ADAMTS17: variants seen among roughly 807,000 people sequenced by gnomAD.
ADAMTS17 encodes the protein ADAM metallopeptidase with thrombospondin type 1 motif 17, also known as A disintegrin and metalloproteinase with thrombospondin motifs 17.
In ADAMTS17, 113 loss-of-function variants were observed where a neutral mutation model predicts 141.5. That is an observed-to-expected ratio of 0.80 (90% CI 0.69 to 0.93). The LOEUF is 0.93. Among genes scored for constraint, ADAMTS17 ranks in the 40% least tolerant of loss-of-function variants. ADAMTS17 has a pLI of 0.00. For missense variants in ADAMTS17, 1,659 were observed against 1,517.9 expected (o/e 1.09, Z -1.54); for synonymous variants, 768 against 630.6 (o/e 1.22, Z -3.27).
intron 3 of ADAMTS17, among the ~76,000 whole-genome samples, chr15:100,289,054 C>T (rs1024696447): frequency 1.3e-5 from 2 of 151,934 alleles, no homozygotes; most frequent in East Asian, 1.9e-4. Flanking sequence ...TCAACAAAAC[C>T]GGAGCTTTGT....
chr15:100,230,323 G>A (rs531289019), intron 7 of ADAMTS17, among the ~76,000 whole-genome samples: 6 of 152,298 alleles, frequency 3.9e-5, no homozygotes, highest in South Asian at 2.1e-4. Context: ...CATCAGATGC[G>A]CATCCAGGGC....
At chr15:100,114,151 CT>C (rs2036964188) in intron 13 of ADAMTS17, among the ~76,000 whole-genome samples, 1 of 130,440 alleles carries the variant, frequency 7.7e-6, no homozygotes, top group Non-Finnish European at 1.6e-5. Context: ...TGCAAGAATT[CT>C]TTCTTCTTTT....
intron 14 of ADAMTS17, among the ~76,000 whole-genome samples, chr15:100,102,745 C>T (rs1293317646): frequency 2.0e-5 from 3 of 152,184 alleles, no homozygotes; most frequent in Non-Finnish European, 1.5e-5. Flanking sequence ...AGAGACCTCC[C>T]TGCCTGCTCT....
At chr15:100,166,369 C>T (rs980013177) in intron 8 of ADAMTS17, among the ~76,000 whole-genome samples, 1 of 151,616 alleles carries the variant, frequency 6.6e-6, no homozygotes, top group African/African-American at 2.4e-5. Context: ...TCATCCTTTT[C>T]TATATTCCTT....
chr15:100,312,058 G>C (rs910807658), intron 3 of ADAMTS17, among the ~76,000 whole-genome samples: 4 of 152,208 alleles, frequency 2.6e-5, no homozygotes, highest in Admixed American at 1.3e-4. Context: ...GGGCCAGACG[G>C]CTGAGTGAGC....
chr15:100,124,130 ATT>A (rs1257637206), intron 12 of ADAMTS17, among the ~76,000 whole-genome samples: 1 of 151,778 alleles, frequency 6.6e-6, no homozygotes, highest in African/African-American at 2.4e-5. Flanking sequence ...TGCCCGGCTA[ATT>A]TTTTTGTATT....
chr15:100,059,358 G>C (rs1321765173), intron 15 of ADAMTS17, among the ~76,000 whole-genome samples: 1 of 152,000 alleles, frequency 6.6e-6, no homozygotes, highest in Admixed American at 6.5e-5. Flanking sequence ...GCCTCTCCTC[G>C]GGACAGCGTG....
At chr15:100,335,584 G>A (rs1282607956) in intron 2 of ADAMTS17, among the ~76,000 whole-genome samples, 3 of 152,208 alleles carry the variant, frequency 2.0e-5, no homozygotes, top group East Asian at 3.9e-4. Flanking sequence ...TGGCAGGTGC[G>A]TGATAATGAT....
In ADAMTS17 at chr15:100,163,859, C is replaced by T. The variant is rs1407575368; in HGVS notation, c.1182-8539G>A. Among the ~76,000 whole-genome samples the T allele has an allele frequency of 3.3e-5, 5 of 152,202 alleles. 1 individual carries two copies. Among genetic ancestry groups the T allele is most frequent in the Non-Finnish European group, 7.3e-5 (5 of 68,036 alleles). On this transcript the variant is annotated intron_variant, in intron 8 of 21. Coordinates refer to ENST00000268070, the MANE Select transcript of ADAMTS17 (RefSeq NM_139057.4). ...CAAGGTGCAGTGCACTGGGCCACTA[C>T]CACTTTGTCTGAGCATTTCACTTAT... is the stretch of plus-strand genomic sequence containing the variant.
intron 7 of ADAMTS17, among the ~76,000 whole-genome samples, chr15:100,238,842 T>C (rs1044437127): frequency 6.6e-6 from 1 of 152,192 alleles, no homozygotes; most frequent in African/African-American, 2.4e-5. Flanking sequence ...TCCAGCACTT[T>C]GGGAGGCCCA....
chr15:100,161,326 A>C (rs759422379), intron 8 of ADAMTS17, among the ~76,000 whole-genome samples: 1 of 152,258 alleles, frequency 6.6e-6, no homozygotes, highest in Non-Finnish European at 1.5e-5. Flanking sequence ...CTCTGACCGT[A>C]CCTGTCTCTC....
chr15:100,200,674 G>T (rs1320129685), intron 7 of ADAMTS17, among the ~76,000 whole-genome samples: 2 of 152,218 alleles, frequency 1.3e-5, no homozygotes, highest in Non-Finnish European at 2.9e-5. Context: ...GGGGGTTGGT[G>T]GGCAGTGGCT....
rs771722543 is a variant in ADAMTS17, at chr15:100,276,901, G to C, written c.789+4328C>G. Among the ~76,000 whole-genome samples, 60 of 152,176 alleles carry C rather than the reference G, an allele frequency of 3.9e-4. 2 individuals are homozygous for C. The highest frequency in any genetic ancestry group is 1.3e-3 in the African/African-American group (55 of 41,452). The stretch of plus-strand genomic sequence containing the variant: ...CTAGGATTTGAGGGATTGAGAAAGG[G>C]GGGTGCTGGTGGAGGTGGTCTTGTT... On this transcript the variant is annotated intron_variant, in intron 4 of 21. Coordinates refer to ENST00000268070, the MANE Select transcript of ADAMTS17 (RefSeq NM_139057.4).
intron 3 of ADAMTS17, among the ~76,000 whole-genome samples, chr15:100,298,425 G>A (rs953960660): frequency 6.6e-6 from 1 of 152,064 alleles, no homozygotes; most frequent in Admixed American, 6.5e-5. Context: ...CTCTGTGGTC[G>A]ACCCTGCGCT....
chr15:100,135,346 T>C (rs1209718490), intron 10 of ADAMTS17, among the ~76,000 whole-genome samples: 2 of 151,598 alleles, frequency 1.3e-5, no homozygotes, highest in Admixed American at 6.6e-5. Context: ...TGCAGTAGCG[T>C]GATCTCGGCT....
chr15:100,297,917 C>G (rs1326046320), intron 3 of ADAMTS17, among the ~76,000 whole-genome samples: 1 of 152,094 alleles, frequency 6.6e-6, no homozygotes, highest in African/African-American at 2.4e-5. Flanking sequence ...AGCATGACAT[C>G]CCAAGAACCA....
At chr15:100,075,014 A>C (rs1331143131) in intron 15 of ADAMTS17, among the ~76,000 whole-genome samples, 7 of 151,996 alleles carry the variant, frequency 4.6e-5, no homozygotes, top group African/African-American at 1.5e-4. Flanking sequence ...CCTGTCCCCT[A>C]CCAATAAATT....
chr15:100,214,290 C>T (rs1019335259), intron 7 of ADAMTS17, among the ~76,000 whole-genome samples: 7 of 152,118 alleles, frequency 4.6e-5, no homozygotes, highest in African/African-American at 4.8e-5. Context: ...ACCTTATGCT[C>T]ATCGCACATT....
At chr15:100,084,918 C>T (rs573940434) in intron 15 of ADAMTS17, among the ~76,000 whole-genome samples, 6 of 152,248 alleles carry the variant, frequency 3.9e-5, no homozygotes, top group East Asian at 1.9e-4. Context: ...AAACTGGAAA[C>T]GCTAAAAATC....
Sources: gnomAD v4.1 joint callset for allele counts (sites outside exome capture counted in the v4.1 genomes callset) on GRCh38, gnomAD v4.1.1 for gene constraint, MANE v1.5 for transcripts, NCBI Gene and HGNC (gene_info 2026-07-23, HGNC 2026-07-21) for gene names.